TTC1: variants seen among roughly 807,000 people sequenced by gnomAD.
TTC1 encodes tetratricopeptide repeat protein 1.
TTC1 carries 31 observed loss-of-function variants against 37.6 expected under a neutral mutation model. The ratio of observed to expected loss-of-function variants is 0.82; its 90% CI spans 0.62 to 1.11. TTC1 has a LOEUF of 1.11. Ranked by LOEUF, TTC1 falls within the 50% of genes most tolerant of loss-of-function variation. TTC1 has a pLI of 0.00. For synonymous variants in TTC1, 127 were observed against 122.4 expected, an observed-to-expected ratio of 1.04 and a Z score of -0.25; for missense variants, 351 against 339.0, an observed-to-expected ratio of 1.04 and a Z score of -0.28.
chr5:160,045,520 A>ACACACACACC (rs1202139318), intron 5 of TTC1, among the ~76,000 whole-genome samples: 1 of 54,884 alleles, frequency 1.8e-5, no homozygotes, highest in Non-Finnish European at 3.3e-5. Flanking sequence ...ACACATACAC[A>ACACACACACC]CTCTCTCTCT....
chr5:160,063,653 T>C (rs781191801), intron 7 of TTC1: 3 of 152,192 alleles, frequency 2.0e-5, no homozygotes, highest in Non-Finnish European at 2.9e-5. Context: ...ACCCCCATTC[T>C]CACCTCCACT....
intron 5 of TTC1, among the ~76,000 whole-genome samples, chr5:160,043,814 C>T (rs1472133542): frequency 6.6e-6 from 1 of 152,168 alleles, no homozygotes; most frequent in Non-Finnish European, 1.5e-5. Flanking sequence ...TTCTTCCAAA[C>T]CTACTTCACA....
intron 2 of TTC1, chr5:160,023,900 T>C (rs923974289): frequency 2.6e-5 from 41 of 1,601,526 alleles, no homozygotes; most frequent in Non-Finnish European, 3.5e-5. Flanking sequence ...CCTTGTGGGG[T>C]CAGGCTTCTC....
intron 7 of TTC1, among the ~76,000 whole-genome samples, chr5:160,061,547 T>G (rs1286197030): frequency 6.6e-6 from 1 of 152,222 alleles, no homozygotes; most frequent in Non-Finnish European, 1.5e-5. Context: ...CAGGTGACCT[T>G]AGGTCTTCTC....
chr5:160,019,028 C>T (rs184429791), intron 2 of TTC1, among the ~76,000 whole-genome samples: 1 of 152,172 alleles, frequency 6.6e-6, no homozygotes. Context: ...TTGAACTTAT[C>T]CAGGTTCTGG....
intron 5 of TTC1, among the ~76,000 whole-genome samples, chr5:160,047,255 C>G (rs1048561994): frequency 6.6e-6 from 1 of 151,938 alleles, no homozygotes; most frequent in Non-Finnish European, 1.5e-5. Context: ...GCCCAGCCCC[C>G]ACACACACAC....
intron 5 of TTC1, among the ~76,000 whole-genome samples, chr5:160,048,937 C>A (rs9790883): frequency 0.067 from 8,564 of 128,382 alleles, 265 homozygotes; most frequent in East Asian, 0.14. Flanking sequence ...GGTGACAGAG[C>A]GAGACTCCGT....
chr5:160,034,278 C>CA (rs1176337862), intron 2 of TTC1, among the ~76,000 whole-genome samples: 1 of 151,926 alleles, frequency 6.6e-6, no homozygotes. Context: ...AGATGTTCCA[C>CA]AAAAAAGTGC....
chr5:160,010,893 T>G, intron 2 of TTC1, 35 bp downstream of exon 2: 1 of 1,568,146 alleles, frequency 6.4e-7, no homozygotes, highest in Non-Finnish European at 8.7e-7. Flanking sequence ...GATCTGCCAC[T>G]TACACTGCAT....
At chr5:160,035,252 T>A in intron 3 of TTC1, 52 bp downstream of exon 3, 1 of 1,448,708 alleles carries the variant, frequency 6.9e-7, no homozygotes, top group Non-Finnish European at 9.3e-7. Flanking sequence ...CCTCATCCTG[T>A]TGTAGAGTCT....
intron 7 of TTC1, among the ~76,000 whole-genome samples, chr5:160,058,664 G>C (rs1757613817): frequency 6.6e-6 from 1 of 152,112 alleles, no homozygotes; most frequent in African/African-American, 2.4e-5. Flanking sequence ...ACCCACCTCA[G>C]CCTCCCAAAG....
intron 7 of TTC1, among the ~76,000 whole-genome samples, chr5:160,054,775 A>G (rs1757499918): frequency 6.6e-6 from 1 of 152,214 alleles, no homozygotes; most frequent in Non-Finnish European, 1.5e-5. Flanking sequence ...TATGGCAGAC[A>G]CGGCCTTTAT....
rs190015034 is a variant in TTC1 at position 160,012,193 on chromosome 5, C to G, written c.330+1335C>G. ...AAAGTTAGTAGTGCTTTTCTGATAC[C>G]TTAATATATTTTGCCCTGAAATTAT... is the stretch of plus-strand genomic sequence containing the variant. On this transcript the variant is annotated intron_variant, in intron 2 of 7. Transcript: ENST00000231238. Among the ~76,000 whole-genome samples, 3 of 152,148 alleles carry G rather than the reference C, an allele frequency of 2.0e-5. No homozygotes were observed. The East Asian group carries it at 5.8e-4, about 29-fold the overall frequency.
In TTC1 at chr5:160,022,068, C is replaced by T. The variant is rs550194787; in HGVS notation, c.330+11210C>T. 4.2e-4 allele frequency among the ~76,000 whole-genome samples: 64 copies of T among 152,224 alleles called. 1 individual carries two copies. Among genetic ancestry groups the T allele is most frequent in the Admixed American group, 1.2e-3 (18 of 15,292 alleles). ...ATTTATAATATGGACATAAGCTTGC[C>T]GGAGTGAGAGTCTTGGTTTTCCCCC... On this transcript the variant is annotated intron_variant, in intron 2 of 7. Coordinates refer to ENST00000231238, the MANE Select transcript of TTC1 (RefSeq NM_003314.3).
intron 4 of TTC1, chr5:160,039,086 TA>T (rs1757044720): frequency 6.6e-6 from 1 of 152,210 alleles, no homozygotes; most frequent in South Asian, 2.1e-4. Context: ...AATGATGGTT[TA>T]ACTGCTTTAA....
intron 5 of TTC1, among the ~76,000 whole-genome samples, chr5:160,043,444 A>G (rs1269925720): frequency 6.6e-6 from 1 of 152,174 alleles, no homozygotes; most frequent in Non-Finnish European, 1.5e-5. Flanking sequence ...CAAAAATACG[A>G]AAGTTAGGCA....
intron 2 of TTC1, among the ~76,000 whole-genome samples, chr5:160,025,104 T>C (rs146883035): frequency 0.016 from 2,411 of 152,358 alleles, 27 homozygotes; most frequent in Non-Finnish European, 0.029. Flanking sequence ...CTCAGCCCAC[T>C]GCAACCTCTG....
chr5:160,018,924 T>A (rs920567365), intron 2 of TTC1, among the ~76,000 whole-genome samples: 2 of 152,208 alleles, frequency 1.3e-5, no homozygotes, highest in African/African-American at 4.8e-5. Flanking sequence ...TGGATTCGAT[T>A]GGCGGGATGG....
intron 2 of TTC1, among the ~76,000 whole-genome samples, chr5:160,034,217 G>A (rs2113367564): frequency 6.6e-6 from 1 of 151,376 alleles, no homozygotes; most frequent in South Asian, 2.1e-4. Flanking sequence ...CTGTCAAAAG[G>A]TGGCAGGCAT....
Sources: allele counts gnomAD v4.1 joint callset (sites outside exome capture counted in the v4.1 genomes callset), GRCh38; gene constraint gnomAD v4.1.1; transcripts MANE v1.5; gene names NCBI Gene and HGNC (gene_info 2026-07-23, HGNC 2026-07-21).